Variants in ARHGAP42 observed in about 807,000 individuals in gnomAD.
ARHGAP42 encodes Rho GTPase activating protein 42.
In ARHGAP42, 63 loss-of-function variants were observed where a neutral mutation model predicts 125.0. That is an observed-to-expected ratio of 0.50 (90% CI 0.41 to 0.62). The LOEUF is 0.62. Among genes scored for constraint, ARHGAP42 ranks in the 20% least tolerant of loss-of-function variants. The pLI is 0.00. For missense variants in ARHGAP42, 766 were observed against 1,024.2 expected (o/e 0.75, Z 3.44); for synonymous variants, 339 against 351.0 (o/e 0.97, Z 0.38).
chr11:100,763,870 A>G (rs113092741), intron 1 of ARHGAP42, among the ~76,000 whole-genome samples: 11,596 of 152,260 alleles, frequency 0.076, 630 homozygotes, highest in Non-Finnish European at 0.12. Flanking sequence ...CAGCATAGCT[A>G]GCTAGCTCTC....
intron 17 of ARHGAP42, among the ~76,000 whole-genome samples, chr11:100,970,895 T>G (rs1466833537): frequency 8.5e-5 from 13 of 152,048 alleles, no homozygotes; most frequent in Non-Finnish European, 1.5e-5. Context: ...TCCCAGTGAG[T>G]GCCTTTTGAG....
intron 17 of ARHGAP42, among the ~76,000 whole-genome samples, chr11:100,968,407 A>G (rs1339266277): frequency 6.6e-6 from 1 of 151,992 alleles, no homozygotes; most frequent in Non-Finnish European, 1.5e-5. Context: ...GTCCTAATAG[A>G]TTTTCTAGGG....
chr11:100,875,103 CTCTCTGTGTG>C (rs1278312458), intron 4 of ARHGAP42, among the ~76,000 whole-genome samples: 2,094 of 52,156 alleles, frequency 0.04, 14 homozygotes, highest in East Asian at 0.068. Context: ...CTCTCTCTCT[CTCTCTGTGTG>C]TGTGTGTGTG....
intron 3 of ARHGAP42, among the ~76,000 whole-genome samples, chr11:100,808,030 G>C (rs1192603232): frequency 6.7e-6 from 1 of 150,158 alleles, no homozygotes; most frequent in African/African-American, 2.5e-5. Context: ...TCCCTTAAAA[G>C]TTTAACATCT....
intron 15 of ARHGAP42, 35 bp from the exon 16 acceptor site, chr11:100,962,374 A>G (rs757948962): frequency 2.0e-6 from 3 of 1,510,636 alleles, no homozygotes; most frequent in Non-Finnish European, 2.7e-6. Flanking sequence ...AAAAGATTCT[A>G]CTATTCTAAC....
chr11:100,743,834 A>T (rs758832520), intron 1 of ARHGAP42, among the ~76,000 whole-genome samples: 2 of 152,184 alleles, frequency 1.3e-5, no homozygotes, highest in Non-Finnish European at 2.9e-5. Context: ...TCAGGAGAAG[A>T]TGAAATTCTT....
At chr11:100,765,754 A>T (rs1862815524) in intron 1 of ARHGAP42, among the ~76,000 whole-genome samples, 1 of 152,154 alleles carries the variant, frequency 6.6e-6, no homozygotes, top group South Asian at 2.1e-4. Flanking sequence ...TTGTGAAAAG[A>T]TGATAATTCT....
chr11:100,958,765 C>T (rs2135296180), intron 12 of ARHGAP42, among the ~76,000 whole-genome samples: 1 of 152,096 alleles, frequency 6.6e-6, no homozygotes, highest in Non-Finnish European at 1.5e-5. Context: ...TGTCACCTAA[C>T]AACACATAAT....
intron 1 of ARHGAP42, among the ~76,000 whole-genome samples, chr11:100,746,885 C>T (rs959814850): frequency 6.6e-6 from 1 of 152,038 alleles, no homozygotes; most frequent in Non-Finnish European, 1.5e-5. Flanking sequence ...TGGTAGGGAT[C>T]GATCCAGGAA....
chr11:100,908,256 A>G (rs544721629), intron 4 of ARHGAP42, among the ~76,000 whole-genome samples: 1 of 152,278 alleles, frequency 6.6e-6, no homozygotes, highest in African/African-American at 2.4e-5. Flanking sequence ...TTTGTTCTTC[A>G]TCTTTGGTAC....
intron 12 of ARHGAP42, among the ~76,000 whole-genome samples, chr11:100,950,352 T>C (rs1857614558): frequency 6.9e-6 from 1 of 145,742 alleles, no homozygotes; most frequent in Non-Finnish European, 1.5e-5. Context: ...TATATATAAA[T>C]ACTGTATTTA....
intron 11 of ARHGAP42, among the ~76,000 whole-genome samples, chr11:100,949,595 G>A (rs1377290517): frequency 2.0e-5 from 3 of 152,120 alleles, no homozygotes; most frequent in East Asian, 1.9e-4. Context: ...GAGCAATTCC[G>A]GAAATCCATT....
chr11:100,857,680 C>G (rs186430876), intron 3 of ARHGAP42, among the ~76,000 whole-genome samples: 71 of 152,232 alleles, frequency 4.7e-4, no homozygotes, highest in Admixed American at 7.9e-4. Flanking sequence ...TGATACGTTA[C>G]TAAAGTTCCA....
chr11:100,822,044 A>G (rs1864417029), intron 3 of ARHGAP42, among the ~76,000 whole-genome samples: 1 of 152,126 alleles, frequency 6.6e-6, no homozygotes, highest in South Asian at 2.1e-4. Context: ...ATATTGTGAC[A>G]TTTCACCATG....
At chr11:100,961,810 G>T in intron 15 of ARHGAP42, 42 bp downstream of exon 15, 1 of 1,497,420 alleles carries the variant, frequency 6.7e-7, no homozygotes, top group South Asian at 1.2e-5. Context: ...TGTAATCTCT[G>T]ACTCACCCCT....
chr11:100,757,814 C>G (rs1215530279), intron 1 of ARHGAP42, among the ~76,000 whole-genome samples: 1 of 152,280 alleles, frequency 6.6e-6, no homozygotes, highest in Non-Finnish European at 1.5e-5. Context: ...ACTTCCCTGG[C>G]AGCCCAGGCT....
chr11:100,922,914 G>A (rs1293616787), intron 6 of ARHGAP42, among the ~76,000 whole-genome samples: 2 of 152,166 alleles, frequency 1.3e-5, no homozygotes, highest in Non-Finnish European at 2.9e-5. Context: ...CACCACTCAG[G>A]CTCAGGGATT....
At chr11:100,779,445 CAAAAAAA>C (rs869248095) in intron 2 of ARHGAP42, among the ~76,000 whole-genome samples, 1 of 54,460 alleles carries the variant, frequency 1.8e-5, no homozygotes, top group Non-Finnish European at 3.3e-5. Context: ...GACTGCGTCT[CAAAAAAA>C]AAAAAAAAAA....
chr11:100,952,809 C>A lies in ARHGAP42; in HGVS notation c.1162+2853C>A, dbSNP rs1037458072. ...GTGGCAAGATCTCAGCTCACTGTAA[C>A]CTCCGCCTCCTGGGTTCAAGCAATT... On this transcript the variant is annotated intron_variant, in intron 12 of 23. Coordinates refer to ENST00000298815, the MANE Select transcript of ARHGAP42 (RefSeq NM_152432.4). Among the ~76,000 whole-genome samples the A allele has an allele frequency of 8.1e-5, 12 of 148,850 alleles. No homozygotes were observed. The Admixed American group carries it at 8.2e-4, about 10-fold the overall frequency.
Sources: gnomAD v4.1 joint callset for allele counts (sites outside exome capture counted in the v4.1 genomes callset) on GRCh38, gnomAD v4.1.1 for gene constraint, MANE v1.5 for transcripts, NCBI Gene and HGNC (gene_info 2026-07-23, HGNC 2026-07-21) for gene names.